Variants in KLK3 observed in about 807,000 individuals in gnomAD.
KLK3 encodes the protein prostate-specific antigen.
In KLK3, 23 loss-of-function variants were observed where a neutral mutation model predicts 27.7. That is an observed-to-expected ratio of 0.83 (90% CI 0.60 to 1.17). The LOEUF is 1.17. Among genes scored for constraint, KLK3 ranks in the 50% most tolerant of loss-of-function variants. The pLI, the probability that KLK3 is intolerant of heterozygous loss-of-function variation, is 0.00. For missense variants in KLK3, 322 were observed against 338.1 expected (o/e 0.95, Z 0.37); for synonymous variants, 142 against 134.2 (o/e 1.06, Z -0.40).
chr19:50,859,456 C>A, intron 4 of KLK3: 2 of 1,267,926 alleles, frequency 1.6e-6, no homozygotes, highest in Non-Finnish European at 2.3e-6. Context: ...CCCACCTGGG[C>A]CCTTACCCAG....
chr19:50,856,149 T>C, intron 1 of KLK3, 91 bp from the exon 2 acceptor site: 1 of 1,238,682 alleles, frequency 8.1e-7, no homozygotes. Context: ...CCCGTGTCTT[T>C]TCAAACCCAC....
chr19:50,856,383 G>T lies in KLK3; in HGVS notation c.190G>T (p.Ala64Ser). 6.2e-7 allele frequency: 1 copy of T among 1,613,792 alleles called. No homozygotes were observed. Among genetic ancestry groups the T allele is most frequent in the Non-Finnish European group, 8.5e-7 (1 of 1,179,936 alleles). The change falls in exon 2 of 5, where the codon GCC becomes TCC. Residue 64 changes from alanine to serine, a missense_variant. Physicochemically the swap from Ala to Ser is moderately conservative, Grantham distance 99. Transcript: ENST00000326003. ...GCACCCCCAGTGGGTCCTCACAGCT[G>T]CCCACTGCATCAGGAAGTGAGTAGG... ...LVHPQWVLTA[A>S]HCIRNKSVIL...
intron 1 of KLK3, 161 bp downstream of exon 1, chr19:50,855,162 C>T: frequency 3.0e-6 from 2 of 663,256 alleles, no homozygotes; most frequent in Non-Finnish European, 2.6e-6. Context: ...CCAGCCCCTC[C>T]ATATTGCAAC....
In KLK3 at chr19:50,858,301, T is replaced by G; in HGVS notation, c.479T>G (p.Ile160Ser). ...TGCTACGCCTCAGGCTGGGGCAGCA[T>G]TGAACCAGAGGAGTGTACGCCTGGG... Reference protein sequence around the residue: ...TTCYASGWGSIEPEEFLTPKK... With the variant: ...TTCYASGWGSSEPEEFLTPKK... The change falls in exon 3 of 5, where the codon ATT becomes AGT. Residue 160 changes from isoleucine to serine, a missense_variant. Physicochemically the swap from Ile to Ser is moderately radical, Grantham distance 142. Coordinates refer to ENST00000326003, the MANE Select transcript of KLK3 (RefSeq NM_001648.2). The G allele has an allele frequency of 6.2e-7, 1 of 1,613,552 alleles. No homozygotes were observed. The highest frequency in any genetic ancestry group is 8.5e-7 in the Non-Finnish European group (1 of 1,179,748).
At chr19:50,857,339 A>T (rs1341944938) in intron 2 of KLK3, 1 of 152,434 alleles carries the variant, frequency 6.6e-6, no homozygotes, top group African/African-American at 2.4e-5. Context: ...TGGGAGGGGC[A>T]ATTGAGGGAG....
Position 50,860,202 on chromosome 19 carries a change from G to C in KLK3, c.*75G>C. The C allele has an allele frequency of 8.6e-7, 1 of 1,158,476 alleles. No individual in the cohort carries two copies. Among genetic ancestry groups the C allele is most frequent in the Non-Finnish European group, 1.3e-6 (1 of 789,500 alleles). The allele number at this position is 1,158,476 out of a possible 1,614,324, so 71.8% of individuals were successfully genotyped here. On this transcript the variant is annotated 3_prime_UTR_variant, in exon 5 of 5. Coordinates refer to ENST00000326003, the MANE Select transcript of KLK3 (RefSeq NM_001648.2). ...CCAGGCCAAGACTCAAGCCTCCCCA[G>C]TTCTACTGACCTTTGTCCTTAGGTG...
rs2090180475 is a variant in KLK3 at position 50,860,707 on chromosome 19, C to T, written c.*580C>T. Reference sequence around the variant, plus strand: ...GGTGTATTGAAGTCCTCCAGACAACCCTCAGATTTGATGATTTCCTAGTAG... The same window carrying T: ...GGTGTATTGAAGTCCTCCAGACAACTCTCAGATTTGATGATTTCCTAGTAG... On this transcript the variant is annotated 3_prime_UTR_variant, in exon 5 of 5. Coordinates refer to ENST00000326003, the MANE Select transcript of KLK3 (RefSeq NM_001648.2). 2 of 152,130 alleles carry T rather than the reference C, an allele frequency of 1.3e-5. No individual in the cohort carries two copies. The highest frequency in any genetic ancestry group is 4.8e-5 in the African/African-American group (2 of 41,386). The allele number at this position is 152,130 out of a possible 1,614,324, so 9.4% of individuals were successfully genotyped here.
At position 50,859,585 on chromosome 19, in the gene KLK3, G is replaced by A. The variant is rs923124141; in HGVS notation, c.631-387G>A. 7.4e-6 allele frequency: 12 copies of A among 1,613,594 alleles called. No homozygotes were observed. In the African/African-American group the frequency reaches 1.2e-4, roughly 16 times the overall value. ...CCAGCCCTGCCGATGGTCCTCCATG[G>A]CTCCCTAGTGCCCTGGAGAGGAGGT... On this transcript the variant is annotated intron_variant, in intron 4 of 4. Coordinates refer to ENST00000326003, the MANE Select transcript of KLK3 (RefSeq NM_001648.2).
Position 50,860,693 on chromosome 19 carries a change from G to A in KLK3, c.*566G>A, listed in dbSNP as rs2090180311. 1 of 152,214 alleles carries A rather than the reference G, an allele frequency of 6.6e-6. No individual in the cohort carries two copies. The highest frequency in any genetic ancestry group is 1.5e-5 in the Non-Finnish European group (1 of 68,076). 9.4% of individuals were successfully genotyped at this position (152,214 alleles called of 1,614,324 possible). A position where few individuals can be genotyped will look rare whatever the true frequency, so the allele number is the denominator to read the frequency against. On this transcript the variant is annotated 3_prime_UTR_variant, in exon 5 of 5. Transcript: ENST00000326003. ...TCACTATGGGGGGAGGTGTATTGAA[G>A]TCCTCCAGACAACCCTCAGATTTGA...
chr19:50,856,702 T>C, intron 2 of KLK3: 1 of 339,814 alleles, frequency 2.9e-6, no homozygotes. Context: ...CTTCTCTGTC[T>C]TCAGTCTCCA....
In KLK3 at chr19:50,856,364, C is replaced by G. The variant is rs758987002; in HGVS notation, c.171C>G (p.Pro57=). The G allele has an allele frequency of 1.2e-6, 2 of 1,613,888 alleles. No homozygotes were observed. The highest frequency in any genetic ancestry group is 1.7e-6 in the Non-Finnish European group (2 of 1,180,010). The change falls in exon 2 of 5, where the codon CCC becomes CCG. Residue 57 remains proline, a synonymous_variant. Transcript: ENST00000326003. ...RAVCGGVLVH[P]QWVLTAAHCI... ...TCTGCGGCGGTGTTCTGGTGCACCC[C>G]CAGTGGGTCCTCACAGCTGCCCACT...
intron 1 of KLK3, chr19:50,856,010 C>T: frequency 3.8e-6 from 2 of 526,778 alleles, no homozygotes; most frequent in South Asian, 2.3e-5. Flanking sequence ...CAACTCTGCT[C>T]CCAGAGCATG....
Sources: allele counts gnomAD v4.1 joint callset, GRCh38; gene constraint gnomAD v4.1.1; transcripts MANE v1.5; gene names NCBI Gene and HGNC (gene_info 2026-07-23, HGNC 2026-07-21).